Variants in MAP9 observed in about 807,000 individuals in gnomAD.
MAP9 encodes the protein microtubule-associated protein 9.
Under a neutral mutation model 75.2 loss-of-function variants are expected in MAP9, and 80 were observed. The ratio of observed to expected loss-of-function variants is 1.06; its 90% CI spans 0.89 to 1.28. The LOEUF (loss-of-function observed/expected upper bound fraction) is 1.28, where lower values mean the gene tolerates loss of function less well. Ranked by LOEUF, MAP9 falls within the 50% of genes most tolerant of loss-of-function variation. The pLI is 0.00. For synonymous variants in MAP9, 235 were observed against 237.3 expected (o/e 0.99, Z 0.09); for missense variants, 753 against 719.9 (o/e 1.05, Z -0.53).
intron 5 of MAP9, among the ~76,000 whole-genome samples, chr4:155,365,704 A>C (rs1732291429): frequency 1.3e-5 from 2 of 152,134 alleles, no homozygotes; most frequent in South Asian, 4.1e-4. Flanking sequence ...CATCAAAAGT[A>C]TATCTAGAGA....
At chr4:155,352,431 G>A (rs10034643) in intron 13 of MAP9, 165 bp downstream of exon 13, 350,344 of 622,814 alleles carry the variant, frequency 0.56, 101,624 homozygotes, top group East Asian at 0.8. Context: ...AAATGACTAA[G>A]TCAAAGAAAA....
At chr4:155,370,044 C>A (rs888215172) in intron 4 of MAP9, among the ~76,000 whole-genome samples, 2 of 152,172 alleles carry the variant, frequency 1.3e-5, no homozygotes, top group Non-Finnish European at 2.9e-5. Flanking sequence ...ATTCCACAAC[C>A]ATACCAAATT....
At chr4:155,366,641 CATG>C (rs1434401080) in intron 5 of MAP9, among the ~76,000 whole-genome samples, 3 of 152,160 alleles carry the variant, frequency 2.0e-5, no homozygotes, top group African/African-American at 7.2e-5. Flanking sequence ...AATGAAATGT[CATG>C]ATAATCCTAG....
intron 7 of MAP9, among the ~76,000 whole-genome samples, chr4:155,358,773 C>T (rs1396003828): frequency 1.3e-5 from 2 of 151,834 alleles, no homozygotes; most frequent in Admixed American, 6.6e-5. Context: ...CATGAATAGA[C>T]TTTTTGAAAA....
Position 155,347,451 on chromosome 4 carries a change from A to C in MAP9, c.*332T>G, listed in dbSNP as rs1001758074. The C allele has an allele frequency of 2.2e-5, 4 of 178,942 alleles. No homozygotes were observed. The highest frequency in any genetic ancestry group is 4.6e-5 in the Non-Finnish European group (4 of 86,418). 11.1% of individuals were successfully genotyped at this position (178,942 alleles called of 1,614,324 possible). ...GTACCTAGATGATTTCCTTTTTATT[A>C]CTGGAATTAAATATACTTAAATAAC... On this transcript the variant is annotated 3_prime_UTR_variant, in exon 14 of 14. Coordinates refer to ENST00000311277, the MANE Select transcript of MAP9 (RefSeq NM_001039580.2).
intron 10 of MAP9, among the ~76,000 whole-genome samples, chr4:155,354,704 T>A (rs6827256): frequency 0.34 from 51,375 of 151,900 alleles, 10,295 homozygotes; most frequent in East Asian, 0.58. Context: ...CCTCAAGGAA[T>A]CCCATCTGCC....
At chr4:155,361,706 T>C (rs1732087524) in intron 6 of MAP9, among the ~76,000 whole-genome samples, 1 of 152,078 alleles carries the variant, frequency 6.6e-6, no homozygotes, top group Admixed American at 6.6e-5. Flanking sequence ...GCTATTATGT[T>C]GTCCTGCAGA....
At chr4:155,374,211 C>T (rs1732732646) in intron 3 of MAP9, among the ~76,000 whole-genome samples, 1 of 152,016 alleles carries the variant, frequency 6.6e-6, no homozygotes, top group Admixed American at 6.5e-5. Context: ...TGGTGGCGGG[C>T]ACCTGTAGTC....
intron 4 of MAP9, among the ~76,000 whole-genome samples, chr4:155,371,039 T>C (rs1228460136): frequency 2.0e-5 from 3 of 152,156 alleles, no homozygotes; most frequent in African/African-American, 7.2e-5. Context: ...AGGAGAAGCA[T>C]CCTGACTCCA....
At chr4:155,362,761 A>G (rs1732147077) in intron 5 of MAP9, 1 of 152,212 alleles carries the variant, frequency 6.6e-6, no homozygotes, top group South Asian at 2.1e-4. Flanking sequence ...TAATGATATT[A>G]CAATGTAGGA....
chr4:155,357,501 T>C lies in MAP9; in HGVS notation c.1069A>G (p.Asn357Asp). 6.5e-7 allele frequency: 1 copy of C among 1,533,390 alleles called. No homozygotes were observed. The highest frequency in any genetic ancestry group is 9.0e-7 in the Non-Finnish European group (1 of 1,107,986). 95.0% of individuals were successfully genotyped at this position (1,533,390 alleles called of 1,614,324 possible). ...ASSKKTIEDR[N>D]IKNKKSTNNR... is the part of the protein sequence containing the mutation. ...TTTGTTGACTTTTTATTCTTTATAT[T>C]TCTATCTTCAATTGTTTTCTATTAA... is the stretch of plus-strand genomic sequence containing the variant. Residue 357 changes from asparagine (N) to aspartate (D), a missense_variant, in exon 8 of 14, where the codon AAT becomes GAT. By Grantham distance (23) the Asn-to-Asp change is conservative. Transcript: ENST00000311277.
At chr4:155,372,758 T>C (rs1425225291) in intron 4 of MAP9, among the ~76,000 whole-genome samples, 4 of 152,014 alleles carry the variant, frequency 2.6e-5, no homozygotes, top group African/African-American at 9.7e-5. Flanking sequence ...ATCTTTGGAG[T>C]GTGAGAGGGA....
intron 13 of MAP9, chr4:155,349,908 A>T (rs1731439322): frequency 6.2e-6 from 1 of 160,798 alleles, no homozygotes; most frequent in African/African-American, 2.4e-5. Context: ...CAAATAGACA[A>T]TTATATTAAC....
At chr4:155,356,732 T>G (rs1476467556) in intron 8 of MAP9, among the ~76,000 whole-genome samples, 1 of 152,182 alleles carries the variant, frequency 6.6e-6, no homozygotes, top group African/African-American at 2.4e-5. Context: ...GCTTTCCTGT[T>G]AAAATAGCAG....
chr4:155,357,383 G>A, intron 8 of MAP9, 66 bp downstream of exon 8: 2 of 1,000,770 alleles, frequency 2.0e-6, no homozygotes, highest in Non-Finnish European at 3.2e-6. Context: ...CTTTATGAAA[G>A]TTAAATTAAA....
intron 5 of MAP9, among the ~76,000 whole-genome samples, chr4:155,364,180 C>T (rs1732217622): frequency 2.0e-5 from 3 of 151,864 alleles, no homozygotes; most frequent in Admixed American, 2.0e-4. Flanking sequence ...AAAATGGAAA[C>T]CTATAAAGAG....
At chr4:155,355,961 G>C (rs1213785190) in intron 8 of MAP9, 77 bp from the exon 9 acceptor site, 1 of 1,300,822 alleles carries the variant, frequency 7.7e-7, no homozygotes, top group Non-Finnish European at 1.1e-6. Flanking sequence ...GAATATGCAC[G>C]TATAATATTT....
chr4:155,356,521 A>C (rs1731795467), intron 8 of MAP9, among the ~76,000 whole-genome samples: 1 of 152,200 alleles, frequency 6.6e-6, no homozygotes, highest in Non-Finnish European at 1.5e-5. Flanking sequence ...ACATGGAAAA[A>C]ACAATACAGT....
At chr4:155,374,819 C>G in intron 3 of MAP9, 118 bp downstream of exon 3, 1 of 499,900 alleles carries the variant, frequency 2.0e-6, no homozygotes, top group East Asian at 3.0e-5. Flanking sequence ...TTAGTGAATG[C>G]TTAGGTATTA....
Sources: gnomAD v4.1 joint callset for allele counts (sites outside exome capture counted in the v4.1 genomes callset) on GRCh38, gnomAD v4.1.1 for gene constraint, MANE v1.5 for transcripts, NCBI Gene and HGNC (gene_info 2026-07-23, HGNC 2026-07-21) for gene names.